The following RARB variants were observed in gnomAD, a reference collection of about 807,000 sequenced individuals.
RARB encodes HBV-activated protein.
Under a neutral mutation model 51.9 loss-of-function variants are expected in RARB, and 17 were observed. The observed-to-expected ratio is 0.33, with a 90% CI of 0.22 to 0.49. The LOEUF (loss-of-function observed/expected upper bound fraction) is 0.49. Ranked by LOEUF, RARB falls within the 20% of genes least tolerant of loss-of-function variation. The probability of loss-of-function intolerance (pLI) is 0.99; values close to 1 mark genes in which losing one functional copy is unlikely to be tolerated. For synonymous variants in RARB, 215 were observed against 195.4 expected (o/e 1.10, Z -0.84); for missense variants, 369 against 550.8 (o/e 0.67, Z 3.30).
chr3:25,162,284 A>G (rs1448129002), intron 4 of RARB, among the ~76,000 whole-genome samples: 1 of 151,930 alleles, frequency 6.6e-6, no homozygotes, highest in Non-Finnish European at 1.5e-5. Context: ...TTTTATTTTT[A>G]TTTTTGTAGA....
At chr3:25,092,915 A>G (rs1699224146) in intron 3 of RARB, among the ~76,000 whole-genome samples, 1 of 152,166 alleles carries the variant, frequency 6.6e-6, no homozygotes, top group Non-Finnish European at 1.5e-5. Context: ...CAGCTAAGAG[A>G]AACTGAGACA....
At chr3:25,458,843 A>G (rs971389994) in intron 1 of RARB, among the ~76,000 whole-genome samples, 2 of 152,048 alleles carry the variant, frequency 1.3e-5, no homozygotes, top group African/African-American at 2.4e-5. Context: ...GAAGCAAAGG[A>G]GTATAAGAGC....
At chr3:25,557,678 A>C (rs576012987) in intron 3 of RARB, among the ~76,000 whole-genome samples, 2 of 152,062 alleles carry the variant, frequency 1.3e-5, no homozygotes, top group East Asian at 3.9e-4. Context: ...CTCTTCTCTC[A>C]CTCGGAACTT....
At chr3:24,938,068 A>G (rs78955010) in intron 2 of RARB, among the ~76,000 whole-genome samples, 3,209 of 152,054 alleles carry the variant, frequency 0.021, 121 homozygotes, top group African/African-American at 0.073. Flanking sequence ...AATGATTTGC[A>G]TGGTGGTGGT....
At chr3:25,592,978 T>C (rs1701670215) in intron 5 of RARB, among the ~76,000 whole-genome samples, 1 of 152,204 alleles carries the variant, frequency 6.6e-6, no homozygotes, top group African/African-American at 2.4e-5. Context: ...CTATGTGACA[T>C]TGGGCACATC....
At chr3:24,876,514 C>G (rs977062570) in intron 2 of RARB, among the ~76,000 whole-genome samples, 1 of 152,086 alleles carries the variant, frequency 6.6e-6, no homozygotes, top group Admixed American at 6.5e-5. Flanking sequence ...GCATAAACAA[C>G]TTTAATAAAG....
intron 5 of RARB, among the ~76,000 whole-genome samples, chr3:25,289,400 C>T (rs913348021): frequency 4.6e-5 from 7 of 152,174 alleles, no homozygotes; most frequent in Admixed American, 2.0e-4. Flanking sequence ...CATCAGTCAC[C>T]TCTCAATCAC....
intron 3 of RARB, among the ~76,000 whole-genome samples, chr3:25,550,109 A>G (rs545949466): frequency 1.3e-5 from 2 of 152,216 alleles, no homozygotes; most frequent in Non-Finnish European, 2.9e-5. Flanking sequence ...TCAAAATAAG[A>G]TGAGATTAAC....
At chr3:25,083,024 A>G (rs2125313722) in intron 3 of RARB, among the ~76,000 whole-genome samples, 1 of 152,140 alleles carries the variant, frequency 6.6e-6, no homozygotes, top group African/African-American at 2.4e-5. Flanking sequence ...TATTGCTAAT[A>G]AACACCTGTT....
At chr3:25,335,011 T>G (rs1203760265) in intron 5 of RARB, among the ~76,000 whole-genome samples, 3 of 152,030 alleles carry the variant, frequency 2.0e-5, no homozygotes, top group Non-Finnish European at 4.4e-5. Flanking sequence ...GAGACAGAGG[T>G]TAGAGGAGTC....
chr3:25,384,733 T>C (rs1274554472), intron 5 of RARB, among the ~76,000 whole-genome samples: 2 of 152,174 alleles, frequency 1.3e-5, no homozygotes, highest in African/African-American at 4.8e-5. Context: ...AGTTGCAGTT[T>C]ATTTCAGTTG....
intron 3 of RARB, among the ~76,000 whole-genome samples, chr3:25,112,075 G>C (rs573591730): frequency 6.6e-6 from 1 of 152,284 alleles, no homozygotes; most frequent in South Asian, 2.1e-4. Flanking sequence ...GTAGGCAGCT[G>C]TTCGGTGTTT....
intron 3 of RARB, among the ~76,000 whole-genome samples, chr3:25,510,763 A>G (rs1559443071): frequency 6.6e-6 from 1 of 152,238 alleles, no homozygotes. Context: ...GACAGTATGA[A>G]CTCATTTAAT....
intron 2 of RARB, among the ~76,000 whole-genome samples, chr3:24,962,428 A>T (rs114329757): frequency 0.019 from 2,963 of 152,258 alleles, 106 homozygotes; most frequent in African/African-American, 0.068. Context: ...GTCTCAAGGC[A>T]CTGCTGAATA....
intron 2 of RARB, among the ~76,000 whole-genome samples, chr3:24,939,347 T>G (rs1695611204): frequency 6.6e-6 from 1 of 152,252 alleles, no homozygotes; most frequent in Non-Finnish European, 1.5e-5. Flanking sequence ...AATGGAATGC[T>G]GGATCATGTG....
intron 2 of RARB, among the ~76,000 whole-genome samples, chr3:24,951,735 G>C (rs1187444695): frequency 6.6e-6 from 1 of 152,110 alleles, no homozygotes; most frequent in Non-Finnish European, 1.5e-5. Context: ...ACCCCCCAAA[G>C]GGGCACAAGA....
rs9809890 is a variant in RARB, at chr3:25,420,309, T to C, written c.179-40884T>C. ...GCCCCTCTGATGTGTTTGTACTTTT[T>C]ACATTCCCTTTCCCTGTAGAATCTG... is the stretch of plus-strand genomic sequence containing the variant. On this transcript the variant is annotated intron_variant, in intron 5 of 11. Transcript: ENST00000383772. Among the ~76,000 whole-genome samples the C allele has an allele frequency of 4.8e-3, 736 of 152,330 alleles. 3 individuals are homozygous for C. Among genetic ancestry groups the C allele is most frequent in the African/African-American group, 0.016 (662 of 41,572 alleles).
intron 2 of RARB, among the ~76,000 whole-genome samples, chr3:24,974,235 TTTA>T (rs1438579616): frequency 6.6e-6 from 1 of 152,084 alleles, no homozygotes; most frequent in Non-Finnish European, 1.5e-5. Flanking sequence ...GGTTCTGTTA[TTTA>T]TTGATTTGCA....
At chr3:25,165,625 G>T (rs567099074) in intron 4 of RARB, among the ~76,000 whole-genome samples, 1 of 152,064 alleles carries the variant, frequency 6.6e-6, no homozygotes, top group African/African-American at 2.4e-5. Context: ...GCCTACCACC[G>T]CTTTTCTCAA....
Sources: gnomAD v4.1 joint callset for allele counts (sites outside exome capture counted in the v4.1 genomes callset) on GRCh38, gnomAD v4.1.1 for gene constraint, MANE v1.5 for transcripts, NCBI Gene and HGNC (gene_info 2026-07-23, HGNC 2026-07-21) for gene names.